The following C5 variants were observed in gnomAD, a reference collection of about 807,000 sequenced individuals.
The protein encoded by C5 is complement C5.
In C5, 140 loss-of-function variants were observed where a neutral mutation model predicts 218.8. That is an observed-to-expected ratio of 0.64 (90% CI 0.56 to 0.74). The LOEUF is 0.74. Ranked by LOEUF, C5 falls within the 30% of genes least tolerant of loss-of-function variation. The pLI, the probability that C5 is intolerant of heterozygous loss-of-function variation, is 0.00. For missense variants in C5, 1,700 were observed against 1,969.6 expected (o/e 0.86, Z 2.59); for synonymous variants, 614 against 682.3 (o/e 0.90, Z 1.56).
chr9:120,985,266 G>C (rs1454987241), intron 25 of C5, among the ~76,000 whole-genome samples: 2 of 152,186 alleles, frequency 1.3e-5, no homozygotes, highest in African/African-American at 4.8e-5. Context: ...TTTTGTTCCA[G>C]ACCCTAGGCT....
the C5 span, among the ~76,000 whole-genome samples, chr9:121,057,981 G>A: frequency 1.3e-5 from 2 of 151,960 alleles, no homozygotes; most frequent in Non-Finnish European, 2.9e-5. Context: ...CATTCTTCTC[G>A]CTTCTCAGTA....
chr9:120,969,061 C>CT lies in C5; in HGVS notation c.4219dup (p.Ser1407LysfsTer30), dbSNP rs779352671. The CT allele has an allele frequency of 1.9e-6, 3 of 1,613,134 alleles. No homozygotes were observed. The South Asian group carries it at 3.3e-5, about 18-fold the overall frequency. On this transcript the variant is annotated frameshift_variant and splice_region_variant, in exon 33 of 41. Transcript: ENST00000223642. LOFTEE classifies it high-confidence loss of function. ...CTCCCCTTTGTGGAAATAGGCTCAC[C>CT]TGGCACATGCTACTATGCGTTTGTA... is the stretch of plus-strand genomic sequence containing the variant.
chr9:121,005,821 T>C, intron 20 of C5, 98 bp downstream of exon 20: 2 of 1,247,604 alleles, frequency 1.6e-6, no homozygotes, highest in South Asian at 2.4e-5. Context: ...TGAACTGAGT[T>C]GAACTTCTAC....
At chr9:121,064,808 C>G in the C5 span, among the ~76,000 whole-genome samples, 3 of 152,092 alleles carry the variant, frequency 2.0e-5, no homozygotes, top group East Asian at 5.8e-4. Flanking sequence ...TGCCTGTAAT[C>G]CCAGCTGAGG....
At chr9:121,025,371 T>C (rs2047410689) in intron 9 of C5, 83 bp downstream of exon 9, 2 of 1,333,752 alleles carry the variant, frequency 1.5e-6, no homozygotes, top group South Asian at 3.4e-5. Flanking sequence ...AAATTGGAAA[T>C]TATTTATATC....
intron 21 of C5, among the ~76,000 whole-genome samples, chr9:120,996,953 A>T (rs2131722741): frequency 6.6e-6 from 1 of 151,864 alleles, no homozygotes; most frequent in Admixed American, 6.6e-5. Flanking sequence ...TTAAAATTAC[A>T]TAAAAATATT....
the C5 span, among the ~76,000 whole-genome samples, chr9:121,066,588 T>C: frequency 6.6e-6 from 1 of 151,988 alleles, no homozygotes; most frequent in Non-Finnish European, 1.5e-5. Flanking sequence ...GTCATGCCTG[T>C]AATCCCAGCA....
chr9:120,955,752 T>C (rs1297311682), intron 39 of C5, among the ~76,000 whole-genome samples: 1 of 151,874 alleles, frequency 6.6e-6, no homozygotes, highest in Non-Finnish European at 1.5e-5. Context: ...AATTGAAAAA[T>C]ATTACTAGAA....
intron 20 of C5, chr9:120,999,798 C>T: frequency 7.7e-6 from 3 of 387,958 alleles, no homozygotes; most frequent in South Asian, 5.5e-5. Context: ...CCCAAAATAT[C>T]ACAGATGTAC....
At chr9:121,007,980 C>A (rs1430064110) in intron 18 of C5, among the ~76,000 whole-genome samples, 1 of 152,174 alleles carries the variant, frequency 6.6e-6, no homozygotes, top group Non-Finnish European at 1.5e-5. Context: ...GGACTCAGCC[C>A]ATCACTGTTT....
In C5 at chr9:120,968,408, G is replaced by A. The variant is rs1270342945; in HGVS notation, c.4220+653C>T. 1.3e-5 allele frequency among the ~76,000 whole-genome samples: 2 copies of A among 152,220 alleles called. 1 individual carries two copies. The highest frequency in any genetic ancestry group is 4.8e-5 in the African/African-American group (2 of 41,454). ...TTCTAGAGCTTCCAGAAGGAATACA[G>A]CCCTACCCAGCTCCTTGATTTTGGG... On this transcript the variant is annotated intron_variant, in intron 33 of 40. Coordinates refer to ENST00000223642, the MANE Select transcript of C5 (RefSeq NM_001735.3).
Position 121,014,143 on chromosome 9 carries a change from G to A in C5, c.2060-73C>T. The A allele has an allele frequency of 3.0e-6, 4 of 1,332,958 alleles. No homozygotes were observed. In the South Asian group the frequency reaches 3.6e-5, roughly 12 times the overall value. 82.6% of individuals were successfully genotyped at this position (1,332,958 alleles called of 1,614,324 possible). On this transcript the variant is annotated intron_variant, in intron 16 of 40. Coordinates refer to ENST00000223642, the MANE Select transcript of C5 (RefSeq NM_001735.3). ...ATCTCAGGCTTAGAAGGAATCTCAA[G>A]GGATACCTGGTTTCTGTTGCTATAT...
At chr9:120,984,375 A>C (rs1210063372) in intron 25 of C5, among the ~76,000 whole-genome samples, 1 of 152,162 alleles carries the variant, frequency 6.6e-6, no homozygotes. Context: ...AAGGATGAGA[A>C]ATACTTCTAC....
intron 28 of C5, among the ~76,000 whole-genome samples, chr9:120,978,780 A>G (rs997835977): frequency 6.6e-6 from 1 of 152,152 alleles, no homozygotes; most frequent in African/African-American, 2.4e-5. Flanking sequence ...TTTATAGCAA[A>G]CCTGGTAAAA....
In C5 at chr9:120,974,746, A is replaced by G. The variant is rs1286565869; in HGVS notation, c.4017+33T>C. ...CAGATGATTTCAATGGTCTCAGCCA[A>G]TTGTAAAATACTACAGAAAGTTCTT... On this transcript the variant is annotated intron_variant, in intron 30 of 40. Coordinates refer to ENST00000223642, the MANE Select transcript of C5 (RefSeq NM_001735.3). The G allele has an allele frequency of 5.0e-6, 8 of 1,584,554 alleles. No individual in the cohort carries two copies. In the African/African-American group the frequency reaches 5.4e-5, roughly 11 times the overall value.
rs751759129 is a variant in C5 at position 121,027,241 on chromosome 9, G to C, written c.792C>G (p.Asp264Glu). 1.3e-6 allele frequency: 2 copies of C among 1,586,560 alleles called. No individual in the cohort carries two copies. The highest frequency in any genetic ancestry group is 1.3e-5 in the African/African-American group (1 of 74,386). The change falls in exon 8 of 41, where the codon GAC becomes GAG. Residue 264 changes from aspartate to glutamate, a missense_variant. Coordinates refer to ENST00000223642, the MANE Select transcript of C5 (RefSeq NM_001735.3). ...CTCTTATTCCAAATGTGATATAAACGTCAGCCTCAGTGACTACTTTATTAT... is the reference window on the plus strand; with the variant it reads ...CTCTTATTCCAAATGTGATATAAACCTCAGCCTCAGTGACTACTTTATTAT... The part of the protein sequence containing the change: ...YFYNKVVTEA[D>E]VYITFGIRED...
At chr9:121,027,427 T>C (rs1564158425) in intron 7 of C5, among the ~76,000 whole-genome samples, 153 bp from the exon 8 acceptor site, 1 of 152,210 alleles carries the variant, frequency 6.6e-6, no homozygotes, top group Non-Finnish European at 1.5e-5. Context: ...GGCATCATGC[T>C]ACCTGACTTC....
At chr9:121,050,089 G>A in intron 1 of C5, 93 bp downstream of exon 1, 1 of 1,031,206 alleles carries the variant, frequency 9.7e-7, no homozygotes, top group East Asian at 2.4e-5. Flanking sequence ...GAAGTAGCAA[G>A]TTATTTTCAA....
At chr9:120,962,647 A>G (rs1175908324) in intron 36 of C5, 24 bp downstream of exon 36, 2 of 1,480,956 alleles carry the variant, frequency 1.4e-6, no homozygotes, top group Non-Finnish European at 1.9e-6. Context: ...TCTTCTGAAG[A>G]AATGTTAGCA....
Sources: allele counts gnomAD v4.1 joint callset (sites outside exome capture counted in the v4.1 genomes callset), GRCh38; gene constraint gnomAD v4.1.1; transcripts MANE v1.5; gene names NCBI Gene and HGNC (gene_info 2026-07-23, HGNC 2026-07-21).